The following ZMAT5 variants were observed in gnomAD, a reference collection of about 807,000 sequenced individuals.
ZMAT5 encodes zinc finger matrin-type 5, also known as zinc finger matrin-type protein 5.
ZMAT5 carries 23 observed loss-of-function variants against 28.0 expected under a neutral mutation model. The observed-to-expected ratio is 0.82, with a 90% confidence interval of 0.59 to 1.16. The LOEUF is 1.16. Among genes scored for constraint, ZMAT5 ranks in the 50% most tolerant of loss-of-function variants. The pLI, the probability that ZMAT5 is intolerant of heterozygous loss-of-function variation, is 0.00. For missense variants in ZMAT5, 173 were observed against 212.7 expected (o/e 0.81, Z 1.16); for synonymous variants, 76 against 84.1 (o/e 0.90, Z 0.52).
chr22:29,759,599 TA>T (rs200266856), intron 1 of ZMAT5, among the ~76,000 whole-genome samples: 29 of 151,480 alleles, frequency 1.9e-4, no homozygotes, highest in Admixed American at 7.2e-4. Flanking sequence ...ACCCCGTCTC[TA>T]AAAAAAAATT....
chr22:29,759,985 G>A (rs2068140522), intron 1 of ZMAT5, among the ~76,000 whole-genome samples: 1 of 152,160 alleles, frequency 6.6e-6, no homozygotes, highest in African/African-American at 2.4e-5. Context: ...TGGATTGCCT[G>A]AGCTCAGGAG....
Position 29,731,143 on chromosome 22 carries a change from G to T in ZMAT5, c.*82C>A. ...GCAGATGGTCTCGGAGCCTCCATGG[G>T]GCGTAGCAGGAACCGGGCTTGGCTT... On this transcript the variant is annotated 3_prime_UTR_variant, in exon 6 of 6. Transcript: ENST00000344318. 3 of 1,392,230 alleles carry T rather than the reference G, an allele frequency of 2.2e-6. No homozygotes were observed. Among genetic ancestry groups the T allele is most frequent in the Non-Finnish European group, 1.9e-6 (2 of 1,062,882 alleles). The allele number at this position is 1,392,230 out of a possible 1,614,324, so 86.2% of individuals were successfully genotyped here.
chr22:29,748,351 T>A (rs1030783664), intron 2 of ZMAT5, 67 bp downstream of exon 2: 2 of 1,609,280 alleles, frequency 1.2e-6, no homozygotes, highest in African/African-American at 2.7e-5. Context: ...CCCACAGGAG[T>A]CTTTGATGAT....
chr22:29,752,198 A>T (rs2068060981), intron 1 of ZMAT5, among the ~76,000 whole-genome samples: 1 of 152,118 alleles, frequency 6.6e-6, no homozygotes, highest in East Asian at 1.9e-4. Flanking sequence ...GTCTGCCAGG[A>T]AAGCCTGTCT....
intron 2 of ZMAT5, chr22:29,747,961 C>A (rs997495776): frequency 4.4e-5 from 11 of 251,596 alleles, no homozygotes; most frequent in African/African-American, 2.0e-4. Context: ...GGGACCCCCC[C>A]ACCTCCGCCC....
At chr22:29,754,275 C>A (rs1023947289) in intron 1 of ZMAT5, among the ~76,000 whole-genome samples, 1 of 152,232 alleles carries the variant, frequency 6.6e-6, no homozygotes, top group African/African-American at 2.4e-5. Flanking sequence ...TCCGGCCCCA[C>A]GCCCTGCCAG....
intron 1 of ZMAT5, among the ~76,000 whole-genome samples, chr22:29,759,686 C>G (rs1320388322): frequency 6.6e-6 from 1 of 152,084 alleles, no homozygotes; most frequent in Non-Finnish European, 1.5e-5. Flanking sequence ...GGGAGGATCA[C>G]TGGAGCCCAG....
chr22:29,745,764 T>C (rs1601721949), intron 2 of ZMAT5, among the ~76,000 whole-genome samples: 1 of 152,224 alleles, frequency 6.6e-6, no homozygotes, highest in African/African-American at 2.4e-5. Flanking sequence ...CTCTGAGGGC[T>C]AAGGGGACGT....
chr22:29,765,174 T>C (rs2068195044), intron 1 of ZMAT5, among the ~76,000 whole-genome samples: 1 of 152,044 alleles, frequency 6.6e-6, no homozygotes, highest in South Asian at 2.1e-4. Flanking sequence ...ATCCCGGCAC[T>C]TTGGGAGACC....
chr22:29,761,953 C>A (rs2068161626), intron 1 of ZMAT5, among the ~76,000 whole-genome samples: 1 of 151,954 alleles, frequency 6.6e-6, no homozygotes, highest in African/African-American at 2.4e-5. Context: ...TGTTTTTGTT[C>A]TTTTTAGCTC....
chr22:29,753,553 G>A (rs2068073306), intron 1 of ZMAT5, among the ~76,000 whole-genome samples: 2 of 151,742 alleles, frequency 1.3e-5, no homozygotes, highest in African/African-American at 4.8e-5. Flanking sequence ...GCCGGGTGTG[G>A]TGGCGCATGC....
Position 29,766,969 on chromosome 22 carries a change from G to C in ZMAT5, c.-125C>G, listed in dbSNP as rs933286167. 6.4e-6 allele frequency: 1 copy of C among 157,474 alleles called. No homozygotes were observed. Among genetic ancestry groups the C allele is most frequent in the Admixed American group, 6.4e-5 (1 of 15,616 alleles). The allele number at this position is 157,474 out of a possible 1,614,324, so 9.8% of individuals were successfully genotyped here. A position where few individuals can be genotyped will look rare whatever the true frequency, so the allele number is the denominator to read the frequency against. ...GGTACCTGGCTCCCCGGTGGCTGCA[G>C]CTCCGGGCTCCTCCTCCTGCGTCCT... On this transcript the variant is annotated 5_prime_UTR_variant, in exon 1 of 6. Coordinates refer to ENST00000344318, the MANE Select transcript of ZMAT5 (RefSeq NM_001003692.2).
chr22:29,745,831 T>C (rs1323140104), intron 2 of ZMAT5, among the ~76,000 whole-genome samples: 1 of 152,186 alleles, frequency 6.6e-6, no homozygotes, highest in African/African-American at 2.4e-5. Flanking sequence ...ACACGGTATA[T>C]CCGCAAGTCC....
intron 4 of ZMAT5, 100 bp from the exon 5 acceptor site, chr22:29,738,541 G>T: frequency 9.3e-7 from 1 of 1,075,240 alleles, no homozygotes; most frequent in Non-Finnish European, 1.4e-6. Flanking sequence ...CCCTGAGCAA[G>T]CCTGGGAAGT....
At chr22:29,766,010 G>T (rs1178647218) in intron 1 of ZMAT5, among the ~76,000 whole-genome samples, 3 of 152,066 alleles carry the variant, frequency 2.0e-5, no homozygotes, top group East Asian at 3.9e-4. Context: ...CCCTTCAATG[G>T]CCTCCTAGTG....
intron 1 of ZMAT5, among the ~76,000 whole-genome samples, chr22:29,760,830 A>T (rs1640473770): frequency 6.6e-6 from 1 of 152,212 alleles, no homozygotes; most frequent in Non-Finnish European, 1.5e-5. Context: ...CAATTAGTTA[A>T]AGTGGATAAA....
intron 5 of ZMAT5, among the ~76,000 whole-genome samples, chr22:29,735,998 G>A (rs552084063): frequency 4.6e-5 from 7 of 152,274 alleles, no homozygotes; most frequent in African/African-American, 1.4e-4. Flanking sequence ...AGAGACAGCC[G>A]GGCCTCTGTG....
chr22:29,743,943 C>A, intron 2 of ZMAT5, among the ~76,000 whole-genome samples: 1 of 152,168 alleles, frequency 6.6e-6, no homozygotes, highest in African/African-American at 2.4e-5. Context: ...ACCACAGGCT[C>A]CAGAGTCCAA....
intron 2 of ZMAT5, among the ~76,000 whole-genome samples, chr22:29,744,993 T>C (rs927359989): frequency 2.6e-5 from 4 of 152,352 alleles, no homozygotes; most frequent in African/African-American, 9.6e-5. Context: ...GTGCCTCATG[T>C]TTCTTTGCTC....
Sources: allele counts gnomAD v4.1 joint callset (sites outside exome capture counted in the v4.1 genomes callset), GRCh38; gene constraint gnomAD v4.1.1; transcripts MANE v1.5; gene names NCBI Gene and HGNC (gene_info 2026-07-23, HGNC 2026-07-21).